The following ABCA13 variants were observed in gnomAD, a reference collection of about 807,000 sequenced individuals.
The protein encoded by ABCA13 is ATP-binding cassette sub-family A member 13.
ABCA13 carries 476 observed loss-of-function variants against 478.7 expected under a neutral mutation model. The ratio of observed to expected loss-of-function variants is 0.99; its 90% CI spans 0.92 to 1.07. The LOEUF (loss-of-function observed/expected upper bound fraction) is 1.07, where lower values mean the gene tolerates loss of function less well. Among genes scored for constraint, ABCA13 ranks in the 50% least tolerant of loss-of-function variants. ABCA13 has a pLI of 0.00. For synonymous variants in ABCA13, 2,252 were observed against 2,158.9 expected (o/e 1.04, Z -1.20); for missense variants, 6,060 against 5,910.6 (o/e 1.03, Z -0.83).
intron 42 of ABCA13, among the ~76,000 whole-genome samples, chr7:48,429,619 A>G (rs1320193396): frequency 6.6e-6 from 1 of 152,224 alleles, no homozygotes; most frequent in Non-Finnish European, 1.5e-5. Context: ...CATTATTAAA[A>G]TTGGGCAGAT....
At chr7:48,317,899 T>A (rs371665736) in intron 27 of ABCA13, among the ~76,000 whole-genome samples, 3 of 152,236 alleles carry the variant, frequency 2.0e-5, no homozygotes, top group Admixed American at 6.5e-5. Flanking sequence ...GCAGGATTTG[T>A]TATTATTAAT....
rs751316695 is a variant in ABCA13 at position 48,281,348 on chromosome 7, T to C, written c.8732T>C (p.Val2911Ala). The change falls in exon 19 of 62, where the codon GTT (valine) becomes GCT (alanine). Residue 2911 changes from valine to alanine, a missense_variant. Transcript: ENST00000435803. ...QQIPLTDQSVVEICEVFQQTV... is the reference protein window; with the variant it reads ...QQIPLTDQSVAEICEVFQQTV... Reference sequence around the variant, plus strand: ...GTATATATTTTTTTGCTAAGTGTTGTTGAGATTTGTGAAGTTTTCCAGCAG... The same window carrying C: ...GTATATATTTTTTTGCTAAGTGTTGCTGAGATTTGTGAAGTTTTCCAGCAG... 1 of 1,600,340 alleles carries C rather than the reference T, an allele frequency of 6.2e-7. No individual in the cohort carries two copies. The highest frequency in any genetic ancestry group is 2.2e-5 in the East Asian group (1 of 44,522).
chr7:48,455,084 C>T lies in ABCA13; in HGVS notation c.12613C>T (p.Arg4205Cys), dbSNP rs1825504764. The T allele has an allele frequency of 1.3e-6, 2 of 1,546,582 alleles. No individual in the cohort carries two copies. The highest frequency in any genetic ancestry group is 1.2e-5 in the South Asian group (1 of 83,980). Residue 4205 changes from arginine (R) to cysteine (C), a missense_variant, in exon 43 of 62, where the codon CGC (arginine) becomes TGC (cysteine). Arg to Cys is a radical substitution (Grantham distance 180, BLOSUM62 -3). This residue lies in a region of ABCA13 where 1,627 missense variants were observed against 1,571.0 expected (regional missense o/e 1.04). Transcript: ENST00000435803. ...PATVQGVQLL[R>C]AQVAAILARR... ...AACTGTGCAGGGCGTCCAGCTGCTCCGCGCACAAGTGGCCGCGATCCTGGC... is the reference window on the plus strand; with the variant it reads ...AACTGTGCAGGGCGTCCAGCTGCTCTGCGCACAAGTGGCCGCGATCCTGGC...
chr7:48,597,964 A>C (rs1422087659), intron 58 of ABCA13, among the ~76,000 whole-genome samples: 1 of 152,118 alleles, frequency 6.6e-6, no homozygotes, highest in Non-Finnish European at 1.5e-5. Flanking sequence ...TACCACCCCA[A>C]TCCAATTTAC....
At chr7:48,366,242 C>CT (rs1159602433) in intron 31 of ABCA13, among the ~76,000 whole-genome samples, 7 of 151,772 alleles carry the variant, frequency 4.6e-5, no homozygotes, top group South Asian at 2.1e-4. Flanking sequence ...GGTCCTTGCC[C>CT]TTTTTTTTCC....
intron 39 of ABCA13, among the ~76,000 whole-genome samples, chr7:48,406,594 C>T (rs553471578): frequency 2.0e-5 from 3 of 152,194 alleles, no homozygotes; most frequent in Admixed American, 6.5e-5. Flanking sequence ...TCTTTGAGGC[C>T]GGGCATGGTG....
At chr7:48,642,685 G>C (rs968820300) in intron 59 of ABCA13, among the ~76,000 whole-genome samples, 2 of 152,116 alleles carry the variant, frequency 1.3e-5, no homozygotes, top group African/African-American at 2.4e-5. Context: ...ATGAGTATGA[G>C]CTCATGTCTT....
chr7:48,207,713 T>C (rs2128935233), intron 3 of ABCA13, among the ~76,000 whole-genome samples: 1 of 152,282 alleles, frequency 6.6e-6, no homozygotes, highest in East Asian at 1.9e-4. Context: ...TTGTCATATG[T>C]GTAGTTTGCA....
intron 35 of ABCA13, among the ~76,000 whole-genome samples, chr7:48,385,423 C>T (rs539395913): frequency 5.0e-4 from 76 of 152,266 alleles, no homozygotes; most frequent in African/African-American, 6.5e-4. Context: ...CCTTTGCTAA[C>T]GATGTTAGTT....
chr7:48,634,026 C>G (rs1487628746), intron 59 of ABCA13, among the ~76,000 whole-genome samples: 2 of 152,080 alleles, frequency 1.3e-5, no homozygotes, highest in South Asian at 2.1e-4. Flanking sequence ...CAAGATTTCT[C>G]AAAACCACAC....
intron 55 of ABCA13, among the ~76,000 whole-genome samples, chr7:48,546,051 T>C (rs1450627795): frequency 1.3e-5 from 2 of 151,858 alleles, no homozygotes; most frequent in Non-Finnish European, 2.9e-5. Flanking sequence ...CATTCATACT[T>C]AGGCACTTTG....
chr7:48,392,905 C>A (rs1423237335), intron 38 of ABCA13, among the ~76,000 whole-genome samples: 6 of 152,276 alleles, frequency 3.9e-5, no homozygotes, highest in South Asian at 2.1e-4. Context: ...GGGTCACAAA[C>A]AATTGGTAGG....
chr7:48,348,322 G>A (rs142903199), intron 29 of ABCA13, among the ~76,000 whole-genome samples: 36 of 152,334 alleles, frequency 2.4e-4, no homozygotes, highest in Admixed American at 2.2e-3. Flanking sequence ...AAGACTCGAC[G>A]CTGTGGATCC....
intron 23 of ABCA13, among the ~76,000 whole-genome samples, chr7:48,308,943 G>GT (rs2128876993): frequency 6.9e-6 from 1 of 144,160 alleles, no homozygotes; most frequent in Non-Finnish European, 1.5e-5. Flanking sequence ...CTAGGATGCT[G>GT]TAAGTGCACA....
chr7:48,591,572 G>A (rs13234500), intron 57 of ABCA13, among the ~76,000 whole-genome samples: 9,020 of 151,910 alleles, frequency 0.059, 278 homozygotes, highest in South Asian at 0.091. Flanking sequence ...GGGTAATATG[G>A]ACATTTAAAA....
chr7:48,626,874 A>C, intron 59 of ABCA13: 11 of 985,408 alleles, frequency 1.1e-5, no homozygotes, highest in Non-Finnish European at 1.3e-5. Context: ...TCCTACGAGG[A>C]AGGGCTGTTG....
intron 41 of ABCA13, among the ~76,000 whole-genome samples, chr7:48,424,008 A>G (rs1448500249): frequency 6.6e-6 from 1 of 152,226 alleles, no homozygotes; most frequent in Admixed American, 6.5e-5. Flanking sequence ...CTTATGGCCT[A>G]TATTCAGTTA....
intron 48 of ABCA13, 88 bp from the exon 49 acceptor site, chr7:48,506,248 C>T: frequency 1.4e-6 from 2 of 1,403,366 alleles, no homozygotes; most frequent in South Asian, 1.2e-5. Context: ...ATTGTGATGG[C>T]ACAGGGAATC....
intron 52 of ABCA13, among the ~76,000 whole-genome samples, chr7:48,519,147 C>T (rs1424736636): frequency 6.6e-6 from 1 of 152,268 alleles, no homozygotes. Context: ...ACATGATCTC[C>T]TTCCTTTTTA....
Sources: allele counts gnomAD v4.1 joint callset (sites outside exome capture counted in the v4.1 genomes callset), GRCh38; gene constraint gnomAD v4.1.1; regional missense constraint gnomAD v4.1.1; transcripts MANE v1.5; gene names NCBI Gene and HGNC (gene_info 2026-07-23, HGNC 2026-07-21).